ROBO2: variants seen among roughly 807,000 people sequenced by gnomAD.
ROBO2 encodes roundabout guidance receptor 2.
A neutral mutation model predicts 160.8 loss-of-function variants in ROBO2; 53 were observed. That is an observed-to-expected ratio of 0.33 (90% confidence interval 0.26 to 0.41). The LOEUF (loss-of-function observed/expected upper bound fraction) is 0.41. ROBO2 is among the 10% of genes least tolerant of loss of function. The pLI, the probability that ROBO2 is intolerant of heterozygous loss-of-function variation, is 1.00. For missense variants in ROBO2, 1,577 were observed against 1,722.4 expected, an observed-to-expected ratio of 0.92 and a Z score of 1.49; for synonymous variants, 664 against 611.7, an observed-to-expected ratio of 1.09 and a Z score of -1.26.
At chr3:77,299,005 A>T (rs1329384998) in intron 2 of ROBO2, among the ~76,000 whole-genome samples, 6 of 152,186 alleles carry the variant, frequency 3.9e-5, no homozygotes, top group Non-Finnish European at 8.8e-5. Flanking sequence ...TGCCAGAGTC[A>T]AGATTATTTC....
At chr3:77,170,693 G>A (rs948657741) in intron 2 of ROBO2, among the ~76,000 whole-genome samples, 6 of 152,010 alleles carry the variant, frequency 3.9e-5, no homozygotes, top group Non-Finnish European at 8.8e-5. Context: ...TTAAAGAGGG[G>A]CAGTGGAAAA....
At chr3:76,352,812 C>G (rs2074956288) in intron 2 of ROBO2, among the ~76,000 whole-genome samples, 1 of 151,906 alleles carries the variant, frequency 6.6e-6, no homozygotes, top group African/African-American at 2.4e-5. Flanking sequence ...CAACTGAATT[C>G]CAGGCTGCTC....
chr3:77,411,658 A>G (rs1340556814), intron 2 of ROBO2, among the ~76,000 whole-genome samples: 1 of 152,204 alleles, frequency 6.6e-6, no homozygotes, highest in Non-Finnish European at 1.5e-5. Context: ...TTGTGTAAAA[A>G]TGGAGAAATG....
At chr3:77,352,235 GA>G (rs143267395) in intron 2 of ROBO2, among the ~76,000 whole-genome samples, 1 of 148,400 alleles carries the variant, frequency 6.7e-6, no homozygotes, top group East Asian at 2.0e-4. Context: ...TTTTTTTTCT[GA>G]AAAAAAAATA....
At chr3:76,358,114 T>G (rs942789931) in intron 2 of ROBO2, among the ~76,000 whole-genome samples, 4 of 151,952 alleles carry the variant, frequency 2.6e-5, no homozygotes, top group African/African-American at 9.7e-5. Flanking sequence ...GTGGATATAG[T>G]CTAATAGCCC....
chr3:76,519,088 A>G (rs2081475901), intron 2 of ROBO2, among the ~76,000 whole-genome samples: 1 of 152,302 alleles, frequency 6.6e-6, no homozygotes, highest in East Asian at 1.9e-4. Flanking sequence ...CTGGACTCAG[A>G]AAGTTGAGTA....
intron 2 of ROBO2, among the ~76,000 whole-genome samples, chr3:76,884,979 G>C (rs2073731438): frequency 6.6e-6 from 1 of 152,092 alleles, no homozygotes; most frequent in Non-Finnish European, 1.5e-5. Context: ...GGTCAAGAGA[G>C]TTGAATCAGA....
chr3:76,272,983 T>C lies in ROBO2; in HGVS notation c.109+335381T>C, dbSNP rs555723528. 2.5e-3 allele frequency among the ~76,000 whole-genome samples: 227 copies of C among 89,482 alleles called. 14 individuals carry two copies. Among genetic ancestry groups the C allele is most frequent in the African/African-American group, 9.5e-3 (213 of 22,328 alleles). The allele number at this position is 89,482 out of a possible 152,430, so 58.7% of individuals were successfully genotyped here. On this transcript the variant is annotated intron_variant, in intron 2 of 26. Coordinates refer to the ROBO2 transcript ENST00000487694. ...ATATTTATATATAAAATATATATAA[T>C]ATATAATATATAATTTATATATAAA...
intron 2 of ROBO2, among the ~76,000 whole-genome samples, chr3:77,258,935 G>T (rs895699006): frequency 6.6e-6 from 1 of 152,132 alleles, no homozygotes; most frequent in African/African-American, 2.4e-5. Context: ...TTCTGTCTTT[G>T]CTTCTTTCTA....
At chr3:77,500,792 G>T (rs1193471431) in intron 5 of ROBO2, among the ~76,000 whole-genome samples, 1 of 152,118 alleles carries the variant, frequency 6.6e-6, no homozygotes, top group East Asian at 1.9e-4. Flanking sequence ...CCTACGGTGG[G>T]GAGTGCAAGT....
chr3:76,878,060 T>C (rs567759360), intron 2 of ROBO2, among the ~76,000 whole-genome samples: 5 of 152,278 alleles, frequency 3.3e-5, no homozygotes, highest in African/African-American at 9.6e-5. Flanking sequence ...CCAAATGCAG[T>C]GGCATTAGGG....
intron 2 of ROBO2, among the ~76,000 whole-genome samples, chr3:77,272,076 A>G (rs1349735989): frequency 6.6e-6 from 1 of 152,222 alleles, no homozygotes; most frequent in Non-Finnish European, 1.5e-5. Context: ...GAGTAAAAAT[A>G]CTATTTTTCT....
Position 77,060,861 on chromosome 3 carries a change from G to A in ROBO2, c.61+20015G>A, listed in dbSNP as rs1423477167. On this transcript the variant is annotated intron_variant, in intron 1 of 25. Transcript: ENST00000461745. ...ATGTTTACTACATATTTTACTCTTT[G>A]GTTGGAGTTATTGACTTAAACATCT... Among the ~76,000 whole-genome samples the A allele has an allele frequency of 2.0e-5, 3 of 152,050 alleles. No individual in the cohort carries two copies. In the East Asian group the frequency reaches 5.8e-4, roughly 29 times the overall value.
At chr3:76,604,672 G>A (rs572594444) in intron 2 of ROBO2, among the ~76,000 whole-genome samples, 3 of 152,110 alleles carry the variant, frequency 2.0e-5, no homozygotes, top group Non-Finnish European at 4.4e-5. Flanking sequence ...AATTGTTATT[G>A]TAGTTATGCT....
At chr3:76,197,621 G>A (rs1486568362) in intron 2 of ROBO2, among the ~76,000 whole-genome samples, 1 of 152,104 alleles carries the variant, frequency 6.6e-6, no homozygotes, top group African/African-American at 2.4e-5. Context: ...CCAGTATCCT[G>A]TTTATTTTCC....
chr3:76,676,112 C>CA (rs1393773876), intron 2 of ROBO2, among the ~76,000 whole-genome samples: 1 of 152,054 alleles, frequency 6.6e-6, no homozygotes, highest in African/African-American at 2.4e-5. Flanking sequence ...AAAAATAAAA[C>CA]AAGTGATATG....
In ROBO2 at chr3:76,907,823, G is replaced by GTGTGTGTGTGTGT. The variant is rs2075705102; in HGVS notation, c.110-190191_110-190190insTGTGTGTGTGTGT. 2.8e-3 allele frequency among the ~76,000 whole-genome samples: 412 copies of GTGTGTGTGTGTGT among 145,510 alleles called. 2 individuals carry two copies. The highest frequency in any genetic ancestry group is 9.3e-3 in the African/African-American group (363 of 38,870). ...GCCTTTCTGCTGTTTGTTTGTTTGG[G>GTGTGTGTGTGTGT]GTGTGTGTGTGTGTGTGTGTGTGTG... On this transcript the variant is annotated intron_variant, in intron 2 of 26. Coordinates refer to the ROBO2 transcript ENST00000487694.
At chr3:76,143,547 C>G (rs569287601) in intron 2 of ROBO2, among the ~76,000 whole-genome samples, 1 of 152,188 alleles carries the variant, frequency 6.6e-6, no homozygotes, top group African/African-American at 2.4e-5. Context: ...TAGCAATACT[C>G]TCTCTACTAA....
intron 2 of ROBO2, among the ~76,000 whole-genome samples, chr3:77,362,615 G>A (rs1256015675): frequency 1.3e-5 from 2 of 152,078 alleles, no homozygotes; most frequent in African/African-American, 4.8e-5. Context: ...GTTAAGCAAA[G>A]GATAATTGTC....
Sources: allele counts gnomAD v4.1 joint callset (sites outside exome capture counted in the v4.1 genomes callset), GRCh38; gene constraint gnomAD v4.1.1; transcripts MANE v1.5; gene names NCBI Gene and HGNC (gene_info 2026-07-23, HGNC 2026-07-21).